The following BRINP2 variants were observed in gnomAD, a reference collection of about 807,000 sequenced individuals.
BRINP2 encodes BMP/retinoic acid-inducible neural-specific protein 2.
BRINP2 carries 21 observed loss-of-function variants against 69.2 expected under a neutral mutation model. The ratio of observed to expected loss-of-function variants is 0.30; its 90% CI spans 0.22 to 0.44. The LOEUF is 0.44. Ranked by LOEUF, BRINP2 falls within the 20% of genes least tolerant of loss-of-function variation. BRINP2 has a pLI of 1.00. For missense variants in BRINP2, 877 were observed against 986.0 expected (o/e 0.89, Z 1.48); for synonymous variants, 380 against 394.1 (o/e 0.96, Z 0.42).
At chr1:177,253,710 G>A (rs775371076) in intron 2 of BRINP2, among the ~76,000 whole-genome samples, 33 of 152,128 alleles carry the variant, frequency 2.2e-4, no homozygotes, top group African/African-American at 7.9e-4. Context: ...GCTGATTTTT[G>A]TACATGGTGA....
At chr1:177,222,200 A>T (rs1030367801) in intron 1 of BRINP2, among the ~76,000 whole-genome samples, 5 of 152,246 alleles carry the variant, frequency 3.3e-5, no homozygotes, top group African/African-American at 1.2e-4. Flanking sequence ...CTAAGATTGG[A>T]TGAGTCTATG....
At chr1:177,210,907 T>G (rs2102310710) in intron 1 of BRINP2, among the ~76,000 whole-genome samples, 1 of 150,964 alleles carries the variant, frequency 6.6e-6, no homozygotes, top group South Asian at 2.1e-4. Flanking sequence ...ATATTTTGGA[T>G]TAGGTTAAAT....
intron 4 of BRINP2, among the ~76,000 whole-genome samples, chr1:177,264,852 T>A (rs1651068590): frequency 6.6e-6 from 1 of 152,140 alleles, no homozygotes; most frequent in Admixed American, 6.5e-5. Context: ...ATAGGAAGAA[T>A]CAATATCATG....
intron 1 of BRINP2, among the ~76,000 whole-genome samples, chr1:177,183,137 C>CTGTTTTTTT (rs1648311555): frequency 1.8e-5 from 1 of 54,302 alleles, no homozygotes; most frequent in Non-Finnish European, 3.4e-5. Flanking sequence ...AGTGTGTGAG[C>CTGTTTTTTT]TTTTTTTTTT....
At chr1:177,223,038 T>C (rs1649586683) in intron 1 of BRINP2, among the ~76,000 whole-genome samples, 1 of 152,200 alleles carries the variant, frequency 6.6e-6, no homozygotes, top group East Asian at 1.9e-4. Context: ...ATCTTTCTAT[T>C]TGCTAGTGAT....
intron 7 of BRINP2, 93 bp from the exon 8 acceptor site, chr1:177,280,319 C>A: frequency 7.8e-7 from 1 of 1,274,462 alleles, no homozygotes; most frequent in Non-Finnish European, 1.1e-6. Context: ...CATTGCCTTC[C>A]ACGCCTAGTG....
rs567856873 is a variant in BRINP2, at chr1:177,242,066, C to T, written c.269+11921C>T. The stretch of plus-strand genomic sequence containing the variant: ...TTGTATCTGCTACACTCTTTGCCAC[C>T]TGTATGAACAGCCGGTATGAACAGC... On this transcript the variant is annotated intron_variant, in intron 2 of 7. Coordinates refer to ENST00000361539, the MANE Select transcript of BRINP2 (RefSeq NM_021165.4). Among the ~76,000 whole-genome samples the T allele has an allele frequency of 3.9e-5, 6 of 152,300 alleles. No individual in the cohort carries two copies. The South Asian group carries it at 1.2e-3, about 32-fold the overall frequency.
At chr1:177,239,867 A>T (rs1483886558) in intron 2 of BRINP2, among the ~76,000 whole-genome samples, 2 of 152,228 alleles carry the variant, frequency 1.3e-5, no homozygotes, top group Non-Finnish European at 2.9e-5. Flanking sequence ...AGGAGTTCCC[A>T]GCCATGTCTT....
At chr1:177,268,174 A>G (rs1189359248) in intron 4 of BRINP2, among the ~76,000 whole-genome samples, 1 of 152,194 alleles carries the variant, frequency 6.6e-6, no homozygotes, top group Non-Finnish European at 1.5e-5. Context: ...TATGGGATTG[A>G]CATGCCCATT....
chr1:177,256,692 A>G (rs977004040), intron 3 of BRINP2: 1 of 1,045,860 alleles, frequency 9.6e-7, no homozygotes, highest in Non-Finnish European at 1.2e-6. Context: ...GATTTATTAT[A>G]ACATTTAGCT....
At chr1:177,259,766 G>A (rs1166389310) in intron 4 of BRINP2, among the ~76,000 whole-genome samples, 1 of 152,106 alleles carries the variant, frequency 6.6e-6, no homozygotes, top group African/African-American at 2.4e-5. Flanking sequence ...TTTACAGCAT[G>A]GTTTATGAAC....
At chr1:177,198,873 G>C (rs1648822321) in intron 1 of BRINP2, among the ~76,000 whole-genome samples, 1 of 152,160 alleles carries the variant, frequency 6.6e-6, no homozygotes, top group Non-Finnish European at 1.5e-5. Context: ...AGTCAAAAGA[G>C]AGAAGAGCCA....
At chr1:177,256,826 G>A in intron 3 of BRINP2, 1 of 1,162,778 alleles carries the variant, frequency 8.6e-7, no homozygotes, top group Non-Finnish European at 1.1e-6. Flanking sequence ...CTTCCTGAGG[G>A]AGCAGAAAAA....
At chr1:177,262,315 C>A (rs1650979834) in intron 4 of BRINP2, among the ~76,000 whole-genome samples, 1 of 152,058 alleles carries the variant, frequency 6.6e-6, no homozygotes, top group Non-Finnish European at 1.5e-5. Context: ...AGATCAAGAC[C>A]ATCCTTGCCA....
intron 1 of BRINP2, among the ~76,000 whole-genome samples, chr1:177,194,541 G>T (rs892027811): frequency 1.3e-5 from 2 of 152,144 alleles, no homozygotes; most frequent in African/African-American, 4.8e-5. Context: ...ATCAGGAATG[G>T]GAATGAGATG....
At chr1:177,203,586 C>A (rs1416522147) in intron 1 of BRINP2, among the ~76,000 whole-genome samples, 1 of 151,422 alleles carries the variant, frequency 6.6e-6, no homozygotes, top group Non-Finnish European at 1.5e-5. Context: ...AAAAAAGACC[C>A]ACTGGGATAA....
At position 177,230,068 on chromosome 1, in the gene BRINP2, C is replaced by T. The variant is rs1649819590; in HGVS notation, c.192C>T (p.Pro64=). 1 of 1,613,880 alleles carries T rather than the reference C, an allele frequency of 6.2e-7. No individual in the cohort carries two copies. Among genetic ancestry groups the T allele is most frequent in the East Asian group, 2.2e-5 (1 of 44,872 alleles). The change falls in exon 2 of 8, where the codon CCC becomes CCT. Residue 64 remains proline (P), a synonymous_variant. Coordinates refer to ENST00000361539, the MANE Select transcript of BRINP2 (RefSeq NM_021165.4). ...ACTGGCTGCTCACAGACCGGGGCCC[C>T]TTCCACCGCGCTCAGGAGTATGCTG... ...PLDWLLTDRG[P]FHRAQEYADF...
chr1:177,272,033 C>T (rs1651344787), intron 4 of BRINP2, among the ~76,000 whole-genome samples: 1 of 152,182 alleles, frequency 6.6e-6, no homozygotes, highest in African/African-American at 2.4e-5. Context: ...ACCATGGTAA[C>T]AAGGCAGGGT....
intron 1 of BRINP2, among the ~76,000 whole-genome samples, chr1:177,200,293 C>CAAACAAAAAAAAAAAAA (rs1648868127): frequency 2.9e-5 from 1 of 34,794 alleles, no homozygotes; most frequent in Non-Finnish European, 5.5e-5. Flanking sequence ...AACTCTGTCT[C>CAAACAAAAAAAAAAAAA]AAAAAAAAAA....
Sources: gnomAD v4.1 joint callset for allele counts (sites outside exome capture counted in the v4.1 genomes callset) on GRCh38, gnomAD v4.1.1 for gene constraint, MANE v1.5 for transcripts, NCBI Gene and HGNC (gene_info 2026-07-23, HGNC 2026-07-21) for gene names.